The following ATXN1 variants were observed in gnomAD, a reference collection of about 807,000 sequenced individuals.
ATXN1 encodes ataxin-1.
In ATXN1, 8 loss-of-function variants were observed where a neutral mutation model predicts 56.4. The ratio of observed to expected loss-of-function variants is 0.14; its 90% CI spans 0.08 to 0.26. The LOEUF (loss-of-function observed/expected upper bound fraction) is 0.26, where lower values mean the gene tolerates loss of function less well. ATXN1 is among the 10% of genes least tolerant of loss of function. The pLI, the probability that ATXN1 is intolerant of heterozygous loss-of-function variation, is 1.00. For missense variants in ATXN1, 987 were observed against 1,106.5 expected (o/e 0.89, Z 1.53); for synonymous variants, 514 against 494.6 (o/e 1.04, Z -0.52).
chr6:16,477,464 C>T lies in ATXN1; in HGVS notation c.-161+8508G>A, dbSNP rs1036991282. Among the ~76,000 whole-genome samples, 10 of 152,176 alleles carry T rather than the reference C, an allele frequency of 6.6e-5. 1 individual carries two copies. Among genetic ancestry groups the T allele is most frequent in the Admixed American group, 6.5e-4 (10 of 15,280 alleles). ...CAATTAAGAAGATTACAAAGTGAGC[C>T]ATATTCCTCTTCAAGGCTGGGTGCA... On this transcript the variant is annotated intron_variant, in intron 6 of 7. Transcript: ENST00000436367.
chr6:16,474,296 C>T (rs1760280113), intron 6 of ATXN1, among the ~76,000 whole-genome samples: 1 of 152,252 alleles, frequency 6.6e-6, no homozygotes, highest in Non-Finnish European at 1.5e-5. Flanking sequence ...GAAAAGCACT[C>T]ATGCACTGGG....
chr6:16,445,128 C>T (rs150774992), intron 6 of ATXN1, among the ~76,000 whole-genome samples: 2 of 152,192 alleles, frequency 1.3e-5, no homozygotes, highest in East Asian at 3.9e-4. Context: ...TTCAAATAAA[C>T]TATTAAAAAA....
intron 5 of ATXN1, among the ~76,000 whole-genome samples, chr6:16,489,488 T>C (rs1760615761): frequency 6.6e-6 from 1 of 152,182 alleles, no homozygotes; most frequent in South Asian, 2.1e-4. Context: ...ATTTGAACAG[T>C]TGTCATCTCC....
At chr6:16,357,304 C>T (rs1761711084) in intron 6 of ATXN1, among the ~76,000 whole-genome samples, 1 of 150,850 alleles carries the variant, frequency 6.6e-6, no homozygotes, top group Non-Finnish European at 1.5e-5. Flanking sequence ...CAGTCTCACT[C>T]TGTCACCCAG....
chr6:16,524,021 G>C (rs1304584912), intron 4 of ATXN1, among the ~76,000 whole-genome samples: 1 of 152,214 alleles, frequency 6.6e-6, no homozygotes, highest in Non-Finnish European at 1.5e-5. Flanking sequence ...AGTTTCCCAG[G>C]ATTCCAGCAT....
At chr6:16,488,645 A>G (rs1760597679) in intron 5 of ATXN1, among the ~76,000 whole-genome samples, 1 of 152,212 alleles carries the variant, frequency 6.6e-6, no homozygotes, top group South Asian at 2.1e-4. Context: ...ATCCTACAAC[A>G]TTAAAGCATC....
At chr6:16,460,259 T>C (rs1204986814) in intron 6 of ATXN1, among the ~76,000 whole-genome samples, 2 of 152,190 alleles carry the variant, frequency 1.3e-5, no homozygotes, top group East Asian at 3.9e-4. Context: ...CTTCTCTTTA[T>C]ACCTCACAGA....
intron 6 of ATXN1, among the ~76,000 whole-genome samples, chr6:16,378,061 G>A (rs539034867): frequency 6.6e-6 from 1 of 152,334 alleles, no homozygotes; most frequent in East Asian, 1.9e-4. Context: ...CATGGGGCTC[G>A]TTCATATCCT....
chr6:16,661,571 G>A (rs1043977373), intron 2 of ATXN1, among the ~76,000 whole-genome samples: 5 of 152,226 alleles, frequency 3.3e-5, no homozygotes, highest in Non-Finnish European at 7.3e-5. Flanking sequence ...TCATGCCCTT[G>A]TAAAGCCTTC....
chr6:16,509,588 T>C (rs1237418873), intron 5 of ATXN1, among the ~76,000 whole-genome samples: 2 of 152,128 alleles, frequency 1.3e-5, no homozygotes, highest in Non-Finnish European at 2.9e-5. Flanking sequence ...TCGCATCTAG[T>C]CTCTATTTTC....
At chr6:16,503,176 T>C (rs1447790453) in intron 5 of ATXN1, among the ~76,000 whole-genome samples, 1 of 152,176 alleles carries the variant, frequency 6.6e-6, no homozygotes, top group Non-Finnish European at 1.5e-5. Context: ...GTTTTATCGG[T>C]TCCTCCTACT....
At chr6:16,471,670 C>T (rs1760219890) in intron 6 of ATXN1, among the ~76,000 whole-genome samples, 1 of 146,106 alleles carries the variant, frequency 6.8e-6, no homozygotes, top group Non-Finnish European at 1.5e-5. Flanking sequence ...CAGGAGTGTG[C>T]GTATGTGTGC....
At chr6:16,403,057 T>A (rs2113539132) in intron 6 of ATXN1, among the ~76,000 whole-genome samples, 1 of 151,610 alleles carries the variant, frequency 6.6e-6, no homozygotes, top group Middle Eastern at 3.4e-3. Context: ...CTTGATTATA[T>A]ATACATACAC....
rs757447543 is a variant in ATXN1, at chr6:16,326,828, C to T, written c.1483G>A (p.Gly495Ser). The change falls in exon 7 of 8, where the codon GGC becomes AGC. Residue 495 changes from glycine (G) to serine (S), a missense_variant. This residue lies in a region of ATXN1 where 723 missense variants were observed against 791.7 expected (regional missense o/e 0.91). Transcript: ENST00000436367. This position sits in a 1 kb window ranked among gnomAD's most constrained non-coding sequence, Gnocchi z 6.6. ...CCCGACGCTTCCATGTCAGTGCTGC[C>T]GACCGGGATGAGCAGGGGCTGTGTG... is the stretch of plus-strand genomic sequence containing the variant. ...PGTQPLLIPV[G>S]STDMEASGAA... The T allele has an allele frequency of 2.5e-6, 4 of 1,607,032 alleles. No homozygotes were observed. Among genetic ancestry groups the T allele is most frequent in the African/African-American group, 1.3e-5 (1 of 74,812 alleles).
At chr6:16,467,355 G>T (rs1038854239) in intron 6 of ATXN1, among the ~76,000 whole-genome samples, 2 of 152,240 alleles carry the variant, frequency 1.3e-5, no homozygotes, top group African/African-American at 4.8e-5. Context: ...ATGAAGCGTG[G>T]TTATTCTATC....
chr6:16,652,811 C>T lies in ATXN1; in HGVS notation c.-489+4965G>A, dbSNP rs547510873. ...TGGCTTCAGCAAACTGGGCTTTTTTCCTTCACTTAGATGAGAATTTGAGAA... is the reference window on the plus strand; with the variant it reads ...TGGCTTCAGCAAACTGGGCTTTTTTTCTTCACTTAGATGAGAATTTGAGAA... On this transcript the variant is annotated intron_variant, in intron 3 of 7. Transcript: ENST00000436367. The T allele has an allele frequency of 3.9e-5, 6 of 152,288 alleles. No homozygotes were observed. In the South Asian group the frequency reaches 1.2e-3, roughly 32 times the overall value. The allele number at this position is 152,288 out of a possible 1,614,324, so 9.4% of individuals were successfully genotyped here. A position where few individuals can be genotyped will look rare whatever the true frequency, so the allele number is the denominator to read the frequency against.
rs555789684 is a variant in ATXN1, at chr6:16,699,939, G to A, written c.-614-42038C>T. On this transcript the variant is annotated intron_variant, in intron 2 of 7. Transcript: ENST00000436367. ...TTTTAAAAAATAAAATTCTTAATCC[G>A]CTCAGGATGAAACACACTACTTAAA... is the stretch of plus-strand genomic sequence containing the variant. 1.8e-4 allele frequency among the ~76,000 whole-genome samples: 28 copies of A among 152,132 alleles called. No individual in the cohort carries two copies. The South Asian group carries it at 2.7e-3, about 15-fold the overall frequency.
chr6:16,501,074 TGC>T (rs1561728353), intron 5 of ATXN1, among the ~76,000 whole-genome samples: 1 of 151,892 alleles, frequency 6.6e-6, no homozygotes, highest in East Asian at 2.0e-4. Context: ...TTTAAACTGG[TGC>T]ACTCAAATGT....
chr6:16,722,223 C>CGGCT (rs1434544038), intron 2 of ATXN1, among the ~76,000 whole-genome samples: 1 of 152,182 alleles, frequency 6.6e-6, no homozygotes, highest in East Asian at 1.9e-4. Context: ...CAGCAGGGGG[C>CGGCT]GGCTGTAAGC....
Sources: allele counts gnomAD v4.1 joint callset (sites outside exome capture counted in the v4.1 genomes callset), GRCh38; gene constraint gnomAD v4.1.1; regional missense constraint gnomAD v4.1.1; non-coding constraint Gnocchi (gnomAD v3.1); transcripts MANE v1.5; gene names NCBI Gene and HGNC (gene_info 2026-07-23, HGNC 2026-07-21).